KHDRBS2: variants seen among roughly 807,000 people sequenced by gnomAD.
KHDRBS2 encodes the protein KH domain-containing, RNA-binding, signal transduction-associated protein 2.
A neutral mutation model predicts 44.3 loss-of-function variants in KHDRBS2; 26 were observed. The ratio of observed to expected loss-of-function variants is 0.59; its 90% CI spans 0.43 to 0.81. The LOEUF (loss-of-function observed/expected upper bound fraction) is 0.81. Among genes scored for constraint, KHDRBS2 ranks in the 40% least tolerant of loss-of-function variants. The pLI is 0.00. For synonymous variants in KHDRBS2, 194 were observed against 151.1 expected (o/e 1.28, Z -2.08); for missense variants, 476 against 433.1 (o/e 1.10, Z -0.88).
chr6:62,098,732 T>C (rs879590120), intron 2 of KHDRBS2, among the ~76,000 whole-genome samples: 1 of 152,218 alleles, frequency 6.6e-6, no homozygotes, highest in African/African-American at 2.4e-5. Flanking sequence ...ATATTCTTTC[T>C]ACCCCTTTGA....
chr6:62,174,007 G>A (rs972536067), intron 2 of KHDRBS2, among the ~76,000 whole-genome samples: 5 of 151,266 alleles, frequency 3.3e-5, no homozygotes, highest in African/African-American at 7.3e-5. Context: ...AACAGACAGT[G>A]ACACCCTCTC....
At chr6:61,855,954 G>C (rs1018951291) in intron 6 of KHDRBS2, among the ~76,000 whole-genome samples, 1 of 151,860 alleles carries the variant, frequency 6.6e-6, no homozygotes, top group Non-Finnish European at 1.5e-5. Flanking sequence ...TAAACTACTT[G>C]CACTCAAATC....
intron 4 of KHDRBS2, among the ~76,000 whole-genome samples, chr6:61,904,961 A>C (rs771587858): frequency 1.7e-4 from 26 of 152,204 alleles, no homozygotes; most frequent in Non-Finnish European, 2.9e-4. Flanking sequence ...TCCATTCATG[A>C]TAATGATAGT....
chr6:61,760,753 G>T (rs975317462), intron 6 of KHDRBS2, among the ~76,000 whole-genome samples: 8 of 152,182 alleles, frequency 5.3e-5, no homozygotes, highest in African/African-American at 1.4e-4. Flanking sequence ...TGAAAACACC[G>T]AATCACAGAA....
Position 61,680,016 on chromosome 6 carries a change from C to T in KHDRBS2, c.*947G>A, listed in dbSNP as rs1766153873. ...CATTTTTTTCCATTAACATGTTATACATTAGTGTTTACTAACCATGATTCA... is the reference window on the plus strand; with the variant it reads ...CATTTTTTTCCATTAACATGTTATATATTAGTGTTTACTAACCATGATTCA... On this transcript the variant is annotated 3_prime_UTR_variant, in exon 9 of 9. Coordinates refer to ENST00000281156, the MANE Select transcript of KHDRBS2 (RefSeq NM_152688.4). 6.6e-6 allele frequency: 1 copy of T among 151,958 alleles called. No individual in the cohort carries two copies. Among genetic ancestry groups the T allele is most frequent in the South Asian group, 2.1e-4 (1 of 4,824 alleles). The allele number at this position is 151,958 out of a possible 1,614,324, so 9.4% of individuals were successfully genotyped here.
At chr6:61,596,718 T>G in the KHDRBS2 span, among the ~76,000 whole-genome samples, 122,353 of 151,872 alleles carry the variant, frequency 0.81, 49,763 homozygotes, top group African/African-American at 0.91. Flanking sequence ...GTGGTGCAAT[T>G]TCGGCTCACT....
chr6:61,916,752 G>A (rs936171564), intron 4 of KHDRBS2, among the ~76,000 whole-genome samples: 15 of 151,850 alleles, frequency 9.9e-5, no homozygotes, highest in South Asian at 8.3e-4. Flanking sequence ...ATGTACAGAC[G>A]TACAGAATTT....
At chr6:61,582,046 C>T in the KHDRBS2 span, among the ~76,000 whole-genome samples, 1 of 151,690 alleles carries the variant, frequency 6.6e-6, no homozygotes, top group African/African-American at 2.4e-5. Context: ...GATAATATTA[C>T]AACTTCTAAT....
chr6:61,951,335 C>A (rs1026117904), intron 4 of KHDRBS2, among the ~76,000 whole-genome samples: 13 of 151,958 alleles, frequency 8.6e-5, no homozygotes, highest in African/African-American at 3.1e-4. Flanking sequence ...TAAAGTGGTG[C>A]TAAAATATAT....
intron 1 of KHDRBS2, among the ~76,000 whole-genome samples, chr6:62,231,345 TG>T (rs932350639): frequency 6.6e-5 from 10 of 152,196 alleles, no homozygotes; most frequent in Non-Finnish European, 1.3e-4. Flanking sequence ...CTTCTTCACA[TG>T]GCAGCAGGAG....
the KHDRBS2 span, among the ~76,000 whole-genome samples, chr6:61,647,235 T>C: frequency 8.5e-5 from 13 of 152,198 alleles, no homozygotes; most frequent in African/African-American, 2.9e-4. Flanking sequence ...ATTTTATATA[T>C]GGTAAATCAT....
At chr6:62,060,715 A>G (rs981398370) in intron 2 of KHDRBS2, among the ~76,000 whole-genome samples, 4 of 151,692 alleles carry the variant, frequency 2.6e-5, no homozygotes, top group African/African-American at 7.3e-5. Context: ...CTTGTCTGCT[A>G]TAAGACCCAA....
intron 3 of KHDRBS2, among the ~76,000 whole-genome samples, chr6:61,981,741 T>C (rs1773885707): frequency 6.6e-6 from 1 of 152,218 alleles, no homozygotes; most frequent in Non-Finnish European, 1.5e-5. Context: ...ATTCATGTTC[T>C]CTCACTTTGT....
At chr6:61,711,849 A>G (rs1305141168) in intron 7 of KHDRBS2, among the ~76,000 whole-genome samples, 1 of 151,908 alleles carries the variant, frequency 6.6e-6, no homozygotes, top group African/African-American at 2.4e-5. Context: ...TATTCTTGAT[A>G]CCAGTTTGTT....
At chr6:62,127,563 T>C (rs969976120) in intron 2 of KHDRBS2, among the ~76,000 whole-genome samples, 1 of 150,706 alleles carries the variant, frequency 6.6e-6, no homozygotes, top group African/African-American at 2.4e-5. Context: ...TTTACTACAC[T>C]AAGTTTTTTT....
chr6:61,897,967 A>G (rs1043284254), intron 5 of KHDRBS2, among the ~76,000 whole-genome samples: 47 of 152,150 alleles, frequency 3.1e-4, no homozygotes, highest in Non-Finnish European at 7.4e-5. Flanking sequence ...TCATTCATCA[A>G]TTATGCAAAA....
intron 2 of KHDRBS2, among the ~76,000 whole-genome samples, chr6:62,117,002 C>T (rs1806406763): frequency 6.6e-6 from 1 of 152,044 alleles, no homozygotes; most frequent in Non-Finnish European, 1.5e-5. Context: ...TATTAATGAA[C>T]AATTATGAAG....
intron 1 of KHDRBS2, among the ~76,000 whole-genome samples, chr6:62,178,559 C>T (rs576641588): frequency 2.3e-4 from 35 of 151,478 alleles, no homozygotes; most frequent in Non-Finnish European, 4.6e-4. Flanking sequence ...AAAAAGGAAA[C>T]CAACTTACAT....
intron 7 of KHDRBS2, among the ~76,000 whole-genome samples, chr6:61,722,443 T>G (rs9353430): frequency 2.0e-5 from 3 of 151,928 alleles, no homozygotes; most frequent in African/African-American, 7.3e-5. Flanking sequence ...GAATCTCTAC[T>G]GAGGATGATA....
Sources: allele counts gnomAD v4.1 joint callset (sites outside exome capture counted in the v4.1 genomes callset), GRCh38; gene constraint gnomAD v4.1.1; transcripts MANE v1.5; gene names NCBI Gene and HGNC (gene_info 2026-07-23, HGNC 2026-07-21).